CENPW: variants seen among roughly 807,000 people sequenced by gnomAD.
CENPW encodes the protein cancer-up-regulated gene 2 protein.
In CENPW, 3 loss-of-function variants were observed where a neutral mutation model predicts 11.1. That is an observed-to-expected ratio of 0.27 (90% CI 0.12 to 0.70). The LOEUF is 0.70. Among genes scored for constraint, CENPW ranks in the 30% least tolerant of loss-of-function variants. CENPW has a pLI of 0.77. For synonymous variants in CENPW, 38 were observed against 42.0 expected (o/e 0.91, Z 0.37); for missense variants, 100 against 105.6 (o/e 0.95, Z 0.23).
chr6:126,343,880 A>G (rs1288573896), intron 1 of CENPW, among the ~76,000 whole-genome samples: 2 of 152,196 alleles, frequency 1.3e-5, no homozygotes, highest in Non-Finnish European at 2.9e-5. Context: ...CACACCCAGG[A>G]ACAATACTTT....
At chr6:126,397,240 G>A in the CENPW span, among the ~76,000 whole-genome samples, 1 of 152,236 alleles carries the variant, frequency 6.6e-6, no homozygotes. Flanking sequence ...CCCTAGGATG[G>A]ACAATTCTCC....
At chr6:126,365,685 T>C in the CENPW span, among the ~76,000 whole-genome samples, 1 of 152,194 alleles carries the variant, frequency 6.6e-6, no homozygotes, top group Non-Finnish European at 1.5e-5. Context: ...AAAGAAAATA[T>C]TGTTACCCAT....
At chr6:126,468,933 G>T in the CENPW span, among the ~76,000 whole-genome samples, 2 of 152,042 alleles carry the variant, frequency 1.3e-5, no homozygotes, top group Admixed American at 6.6e-5. Flanking sequence ...CTTCTGAGTA[G>T]CTGGGACCAC....
At chr6:126,462,347 T>C in the CENPW span, among the ~76,000 whole-genome samples, 1 of 151,942 alleles carries the variant, frequency 6.6e-6, no homozygotes, top group Non-Finnish European at 1.5e-5. Flanking sequence ...CCCAAGATTT[T>C]TTAGCTTTTC....
the CENPW span, among the ~76,000 whole-genome samples, chr6:126,444,065 T>C: frequency 2.0e-5 from 3 of 151,052 alleles, no homozygotes; most frequent in African/African-American, 7.3e-5. Context: ...TTTTTTTTTT[T>C]TCCTTTATAA....
At chr6:126,361,575 G>T in the CENPW span, among the ~76,000 whole-genome samples, 1 of 152,194 alleles carries the variant, frequency 6.6e-6, no homozygotes, top group Non-Finnish European at 1.5e-5. Flanking sequence ...GATTTCAGGC[G>T]TGAGCCACCG....
At chr6:126,416,405 G>C in the CENPW span, among the ~76,000 whole-genome samples, 1 of 152,208 alleles carries the variant, frequency 6.6e-6, no homozygotes, top group African/African-American at 2.4e-5. Flanking sequence ...CCCATTTTCT[G>C]AGGAGAAAGT....
the CENPW span, among the ~76,000 whole-genome samples, chr6:126,370,549 T>C: frequency 6.6e-6 from 1 of 152,160 alleles, no homozygotes; most frequent in African/African-American, 2.4e-5. Flanking sequence ...TTGAGTTTTT[T>C]ATTTTATTCT....
chr6:126,482,384 A>C, the CENPW span, among the ~76,000 whole-genome samples: 1 of 152,108 alleles, frequency 6.6e-6, no homozygotes, highest in South Asian at 2.1e-4. Flanking sequence ...AAAGTTTAAT[A>C]TTTCAATCTT....
the CENPW span, among the ~76,000 whole-genome samples, chr6:126,476,758 C>T: frequency 6.6e-6 from 1 of 151,768 alleles, no homozygotes; most frequent in Non-Finnish European, 1.5e-5. Flanking sequence ...ATAATCGTTT[C>T]CCATTTATAA....
chr6:126,387,778 A>G, the CENPW span, among the ~76,000 whole-genome samples: 1 of 151,986 alleles, frequency 6.6e-6, no homozygotes, highest in Non-Finnish European at 1.5e-5. Flanking sequence ...ATCAGAGGAT[A>G]GACTTGATCA....
chr6:126,457,817 T>C, the CENPW span, among the ~76,000 whole-genome samples: 4 of 151,350 alleles, frequency 2.6e-5, no homozygotes, highest in Non-Finnish European at 5.9e-5. Flanking sequence ...GATGGGGTTC[T>C]CTCTTACAAG....
chr6:126,464,278 C>CT, the CENPW span, among the ~76,000 whole-genome samples: 1 of 152,036 alleles, frequency 6.6e-6, no homozygotes, highest in African/African-American at 2.4e-5. Flanking sequence ...ATATTCATGC[C>CT]TAATGAAAAC....
the CENPW span, among the ~76,000 whole-genome samples, chr6:126,391,262 G>A: frequency 9.2e-5 from 14 of 151,966 alleles, no homozygotes; most frequent in African/African-American, 3.1e-4. Context: ...TTTGTCATTT[G>A]TATGTCTTTT....
the CENPW span, among the ~76,000 whole-genome samples, chr6:126,384,884 A>G: frequency 6.6e-6 from 1 of 152,302 alleles, no homozygotes; most frequent in Admixed American, 6.5e-5. Flanking sequence ...AAGATCTAAT[A>G]TCCAGCATCT....
chr6:126,360,957 A>C, the CENPW span, among the ~76,000 whole-genome samples: 2 of 152,252 alleles, frequency 1.3e-5, no homozygotes, highest in East Asian at 3.9e-4. Context: ...CTGGGGGAGT[A>C]GTGGGCTTAT....
the CENPW span, among the ~76,000 whole-genome samples, chr6:126,434,691 A>G: frequency 1.8e-4 from 27 of 152,190 alleles, no homozygotes; most frequent in Non-Finnish European, 2.5e-4. Flanking sequence ...AGAGCTTCAC[A>G]TCTTCTAGTA....
At chr6:126,412,073 T>TTCTC in the CENPW span, among the ~76,000 whole-genome samples, 13 of 112,256 alleles carry the variant, frequency 1.2e-4, no homozygotes, top group Non-Finnish European at 2.1e-4. Context: ...CCTCCCTCCT[T>TTCTC]TCTCTCTCTC....
At chr6:126,374,802 T>C in the CENPW span, among the ~76,000 whole-genome samples, 2 of 152,200 alleles carry the variant, frequency 1.3e-5, no homozygotes, top group Non-Finnish European at 2.9e-5. Flanking sequence ...CTTTGTTGAT[T>C]ACTAGCTATA....
Sources: allele counts gnomAD v4.1 joint callset (sites outside exome capture counted in the v4.1 genomes callset), GRCh38; gene constraint gnomAD v4.1.1; transcripts MANE v1.5; gene names NCBI Gene and HGNC (gene_info 2026-07-23, HGNC 2026-07-21).